TRAPPC9: variants seen among roughly 807,000 people sequenced by gnomAD.
TRAPPC9 encodes the protein IKK2 binding protein.
Under a neutral mutation model 124.0 loss-of-function variants are expected in TRAPPC9, and 83 were observed. The observed-to-expected ratio is 0.67, with a 90% CI of 0.56 to 0.80. The LOEUF is 0.80. Ranked by LOEUF, TRAPPC9 falls within the 30% of genes least tolerant of loss-of-function variation. The probability of loss-of-function intolerance (pLI) is 0.00; values close to 1 mark genes in which losing one functional copy is unlikely to be tolerated. For missense variants in TRAPPC9, 1,302 were observed against 1,508.3 expected (o/e 0.86, Z 2.27); for synonymous variants, 638 against 617.5 (o/e 1.03, Z -0.49).
intron 20 of TRAPPC9, among the ~76,000 whole-genome samples, chr8:139,908,219 GAGAATGA>G (rs1280915113): frequency 1.6e-4 from 25 of 152,272 alleles, no homozygotes; most frequent in African/African-American, 5.5e-4. Context: ...GATCGTTCAG[GAGAATGA>G]ATAACCTCCT....
intron 17 of TRAPPC9, among the ~76,000 whole-genome samples, chr8:140,082,990 C>T (rs558943258): frequency 4.6e-5 from 7 of 152,240 alleles, no homozygotes; most frequent in Admixed American, 4.6e-4. Flanking sequence ...GTCAAGAGAT[C>T]GAAACCATCC....
chr8:139,909,691 G>A (rs1831583712), intron 20 of TRAPPC9, among the ~76,000 whole-genome samples: 1 of 152,224 alleles, frequency 6.6e-6, no homozygotes, highest in Non-Finnish European at 1.5e-5. Flanking sequence ...CTGTGTTATA[G>A]CACAATCCTT....
intron 21 of TRAPPC9, among the ~76,000 whole-genome samples, chr8:139,802,065 G>A (rs1041787467): frequency 6.6e-6 from 1 of 152,118 alleles, no homozygotes; most frequent in African/African-American, 2.4e-5. Flanking sequence ...TCTAGCTCTG[G>A]GCTTCTTCCT....
intron 21 of TRAPPC9, among the ~76,000 whole-genome samples, chr8:139,816,001 C>T (rs887630229): frequency 7.2e-5 from 11 of 152,328 alleles, no homozygotes; most frequent in Non-Finnish European, 1.3e-4. Context: ...GGCTGGGGAC[C>T]GGGCGGGTGG....
At chr8:139,956,641 C>A (rs879655998) in intron 19 of TRAPPC9, among the ~76,000 whole-genome samples, 1 of 152,236 alleles carries the variant, frequency 6.6e-6, no homozygotes, top group African/African-American at 2.4e-5. Flanking sequence ...GAAACAAAGA[C>A]CTGTGTGCCT....
intron 9 of TRAPPC9, among the ~76,000 whole-genome samples, chr8:140,324,810 G>C (rs2066695550): frequency 6.6e-6 from 1 of 151,904 alleles, no homozygotes; most frequent in Non-Finnish European, 1.5e-5. Context: ...TTAAGTAAAA[G>C]AATAGACAAC....
chr8:140,049,121 G>C (rs1415247327), intron 17 of TRAPPC9, among the ~76,000 whole-genome samples: 1 of 152,098 alleles, frequency 6.6e-6, no homozygotes, highest in Non-Finnish European at 1.5e-5. Context: ...TCATCTCATA[G>C]CTAGGGGACT....
intron 10 of TRAPPC9, among the ~76,000 whole-genome samples, chr8:140,306,286 G>C (rs1275320015): frequency 6.6e-6 from 1 of 152,232 alleles, no homozygotes; most frequent in Non-Finnish European, 1.5e-5. Flanking sequence ...ATGAGGTCAA[G>C]GGTTTGAGAC....
intron 17 of TRAPPC9, among the ~76,000 whole-genome samples, chr8:140,137,135 G>C (rs1237265909): frequency 1.3e-5 from 2 of 152,128 alleles, no homozygotes; most frequent in African/African-American, 4.8e-5. Context: ...CTCGGGCAAT[G>C]CACACCCACC....
At chr8:140,196,963 G>T (rs920933119) in intron 17 of TRAPPC9, among the ~76,000 whole-genome samples, 2 of 142,498 alleles carry the variant, frequency 1.4e-5, no homozygotes. Flanking sequence ...AACTCCTTTT[G>T]AGAAAATGTC....
chr8:140,313,305 C>T (rs532839258), intron 9 of TRAPPC9, among the ~76,000 whole-genome samples: 1 of 152,186 alleles, frequency 6.6e-6, no homozygotes, highest in South Asian at 2.1e-4. Context: ...CCCATACACA[C>T]TCTCGGTAAA....
intron 7 of TRAPPC9, among the ~76,000 whole-genome samples, chr8:140,380,050 T>G (rs1455859487): frequency 6.6e-6 from 1 of 152,138 alleles, no homozygotes; most frequent in Non-Finnish European, 1.5e-5. Flanking sequence ...GCGATCCCTA[T>G]CAAAATCCCA....
At chr8:140,231,481 C>CTTTTTTTTTTTTTTTT (rs71320347) in intron 16 of TRAPPC9, among the ~76,000 whole-genome samples, 1 of 56,956 alleles carries the variant, frequency 1.8e-5, no homozygotes, top group African/African-American at 7.3e-5. Flanking sequence ...ACTGCCTTTT[C>CTTTTTTTTTTTTTTTT]TTTTTTTTTT....
intron 9 of TRAPPC9, among the ~76,000 whole-genome samples, chr8:140,344,635 T>C (rs7015701): frequency 0.63 from 96,069 of 152,180 alleles, 30,606 homozygotes; most frequent in African/African-American, 0.74. Context: ...AAGCTGTTCA[T>C]GCAGAAAAAA....
At chr8:140,457,529 G>A in intron 1 of TRAPPC9, 110 bp downstream of exon 1, 2 of 888,332 alleles carry the variant, frequency 2.3e-6, no homozygotes, top group Non-Finnish European at 2.7e-6. Context: ...GGACAGGTGA[G>A]GGCCGGGCGA....
intron 21 of TRAPPC9, among the ~76,000 whole-genome samples, chr8:139,737,319 G>A (rs1489971196): frequency 1.3e-5 from 2 of 152,178 alleles, no homozygotes; most frequent in Non-Finnish European, 2.9e-5. Flanking sequence ...CCCTAGAACC[G>A]GGACCCAGTT....
chr8:139,781,468 G>T (rs1452736242), intron 21 of TRAPPC9, among the ~76,000 whole-genome samples: 2 of 152,206 alleles, frequency 1.3e-5, no homozygotes, highest in Non-Finnish European at 2.9e-5. Context: ...AGGGGTTAGG[G>T]TACAAAGAAG....
chr8:139,951,626 G>C (rs554940176), intron 19 of TRAPPC9, among the ~76,000 whole-genome samples: 1 of 152,210 alleles, frequency 6.6e-6, no homozygotes, highest in Non-Finnish European at 1.5e-5. Flanking sequence ...AGGAGAAGCT[G>C]TACCTCAAGC....
chr8:140,018,324 A>ATTTTTTCTTTTTTCTTTTTTTTTTTTTCT (rs765656679), intron 18 of TRAPPC9, among the ~76,000 whole-genome samples: 1 of 119,778 alleles, frequency 8.3e-6, no homozygotes, highest in African/African-American at 3.3e-5. Flanking sequence ...AACGTAAGTG[A>ATTTTTTCTTTTTTCTTTTTTTTTTTTTCT]TTTTTTTTTT....
Sources: allele counts gnomAD v4.1 joint callset (sites outside exome capture counted in the v4.1 genomes callset), GRCh38; gene constraint gnomAD v4.1.1; transcripts MANE v1.5; gene names NCBI Gene and HGNC (gene_info 2026-07-23, HGNC 2026-07-21).